SUFU: variants seen among roughly 807,000 people sequenced by gnomAD.
SUFU encodes the protein suppressor of fused homolog.
Under a neutral mutation model 58.9 loss-of-function variants are expected in SUFU, and 7 were observed. The ratio of observed to expected loss-of-function variants is 0.12; its 90% CI spans 0.07 to 0.22. The LOEUF is 0.22. Among genes scored for constraint, SUFU ranks in the 10% least tolerant of loss-of-function variants. The pLI, the probability that SUFU is intolerant of heterozygous loss-of-function variation, is 1.00. For missense variants in SUFU, 451 were observed against 641.3 expected (o/e 0.70, Z 3.20); for synonymous variants, 232 against 254.8 (o/e 0.91, Z 0.85).
intron 3 of SUFU, among the ~76,000 whole-genome samples, chr10:102,570,037 T>C (rs942177822): frequency 6.6e-6 from 1 of 152,194 alleles, no homozygotes; most frequent in Non-Finnish European, 1.5e-5. Flanking sequence ...AATAGAGAGC[T>C]AGAAAGCTGT....
At chr10:102,528,334 C>T (rs140463950) in intron 2 of SUFU, among the ~76,000 whole-genome samples, 1 of 152,176 alleles carries the variant, frequency 6.6e-6, no homozygotes, top group African/African-American at 2.4e-5. Flanking sequence ...CTTTGGGAGG[C>T]CGAGGTAGGA....
At chr10:102,623,664 G>A (rs1307609267) in intron 10 of SUFU, among the ~76,000 whole-genome samples, 1 of 152,178 alleles carries the variant, frequency 6.6e-6, no homozygotes, top group African/African-American at 2.4e-5. Flanking sequence ...CTTGAGCCAG[G>A]CGTGGTGGCT....
At chr10:102,598,446 G>A (rs1030135932) in intron 7 of SUFU, among the ~76,000 whole-genome samples, 2 of 152,144 alleles carry the variant, frequency 1.3e-5, no homozygotes, top group Admixed American at 6.6e-5. Context: ...GTGAGCCACC[G>A]CACCCGGCCA....
chr10:102,607,917 A>G (rs1277155027), intron 8 of SUFU, among the ~76,000 whole-genome samples: 1 of 145,704 alleles, frequency 6.9e-6, no homozygotes, highest in Non-Finnish European at 1.5e-5. Context: ...TCTCAAACAA[A>G]AAAAAAAAGA....
chr10:102,588,139 G>A (rs2063353966), intron 3 of SUFU, among the ~76,000 whole-genome samples: 1 of 152,116 alleles, frequency 6.6e-6, no homozygotes, highest in African/African-American at 2.4e-5. Flanking sequence ...GCTCACGCCT[G>A]TAATCCCAGC....
chr10:102,601,289 G>A (rs1213614830), intron 8 of SUFU, among the ~76,000 whole-genome samples: 1 of 152,186 alleles, frequency 6.6e-6, no homozygotes, highest in Non-Finnish European at 1.5e-5. Flanking sequence ...GGGGCACAAG[G>A]CTCTGTGCTC....
intron 3 of SUFU, among the ~76,000 whole-genome samples, chr10:102,550,916 G>T (rs1313207634): frequency 6.6e-6 from 1 of 151,834 alleles, no homozygotes; most frequent in Non-Finnish European, 1.5e-5. Context: ...TAATTTTTTT[G>T]TTTTTTTAGT....
chr10:102,572,674 G>A (rs906863787), intron 3 of SUFU: 15 of 591,170 alleles, frequency 2.5e-5, no homozygotes, highest in African/African-American at 2.4e-4. Flanking sequence ...AGGTGTGAGT[G>A]AGCCACCATG....
Position 102,632,011 on chromosome 10 carries a change from T to C in SUFU, c.*1856T>C. ...GCCTGTGAAGCTCTTGTTTCTGACA[T>C]TTCACAGGCAGAGAGGTGCCATCAG... is the stretch of plus-strand genomic sequence containing the variant. On this transcript the variant is annotated 3_prime_UTR_variant, in exon 12 of 12. Coordinates refer to ENST00000369902, the MANE Select transcript of SUFU (RefSeq NM_016169.4). The C allele has an allele frequency of 4.3e-6, 1 of 233,342 alleles. No individual in the cohort carries two copies. The highest frequency in any genetic ancestry group is 8.5e-6 in the Non-Finnish European group (1 of 118,136). 14.5% of individuals were successfully genotyped at this position (233,342 alleles called of 1,614,324 possible). A position where few individuals can be genotyped will look rare whatever the true frequency, so the allele number is the denominator to read the frequency against.
Position 102,619,800 on chromosome 10 carries a change from C to T in SUFU, c.1296+2372C>T, listed in dbSNP as rs1185678381. Among the ~76,000 whole-genome samples, 1 of 152,178 alleles carries T rather than the reference C, an allele frequency of 6.6e-6. No individual in the cohort carries two copies. Among genetic ancestry groups the T allele is most frequent in the Non-Finnish European group, 1.5e-5 (1 of 68,018 alleles). ...TTGTGGGAACCTGGGCTTGTAATTA[C>T]TTGTGGGCCTCTAGATCTCCCTCTG... On this transcript the variant is annotated intron_variant, in intron 10 of 11. Coordinates refer to ENST00000369902, the MANE Select transcript of SUFU (RefSeq NM_016169.4). The surrounding 1 kb of genome is among the most constrained non-coding windows in gnomAD (Gnocchi z 4.2).
At chr10:102,597,020 G>T in intron 6 of SUFU, 120 bp from the exon 7 acceptor site, 3 of 1,201,136 alleles carry the variant, frequency 2.5e-6, no homozygotes, top group Admixed American at 1.7e-5. Flanking sequence ...TCCAGCATTT[G>T]TCCCATGCTC....
intron 10 of SUFU, among the ~76,000 whole-genome samples, chr10:102,624,554 C>G (rs1218769234): frequency 6.6e-6 from 1 of 152,128 alleles, no homozygotes; most frequent in African/African-American, 2.4e-5. Context: ...AAGTTTCCAG[C>G]GGGAACCAGC....
In SUFU at chr10:102,629,411, A is replaced by G. The variant is rs1009897770; in HGVS notation, c.1366-655A>G. Among the ~76,000 whole-genome samples the G allele has an allele frequency of 6.6e-6, 1 of 152,094 alleles. No individual in the cohort carries two copies. The highest frequency in any genetic ancestry group is 1.5e-5 in the Non-Finnish European group (1 of 68,028). ...GCTCTCCTTGGCCACCACTGGGACC[A>G]CTCTGAGGCTGGTAACCCTGGGAAG... On this transcript the variant is annotated intron_variant, in intron 11 of 11. Coordinates refer to ENST00000369902, the MANE Select transcript of SUFU (RefSeq NM_016169.4). This position sits in a 1 kb window ranked among gnomAD's most constrained non-coding sequence, Gnocchi z 4.7.
intron 8 of SUFU, among the ~76,000 whole-genome samples, chr10:102,612,541 C>T (rs936053758): frequency 2.0e-5 from 3 of 152,136 alleles, no homozygotes; most frequent in Admixed American, 6.5e-5. Context: ...CAGCTTGAGA[C>T]GTCTCTAGCC....
At chr10:102,567,006 C>CTTTTTTTTTT (rs1175563323) in intron 3 of SUFU, among the ~76,000 whole-genome samples, 5 of 64,668 alleles carry the variant, frequency 7.7e-5, no homozygotes, top group African/African-American at 1.2e-4. Flanking sequence ...GAAACAGGCT[C>CTTTTTTTTTT]TTTTTTTTTT....
chr10:102,624,676 G>A (rs755816667), intron 10 of SUFU, among the ~76,000 whole-genome samples: 35 of 152,264 alleles, frequency 2.3e-4, no homozygotes, highest in Admixed American at 6.5e-4. Flanking sequence ...ATGGTGCCGC[G>A]CATGGTCGTT....
At chr10:102,564,492 C>T (rs1429034194) in intron 3 of SUFU, among the ~76,000 whole-genome samples, 1 of 152,100 alleles carries the variant, frequency 6.6e-6, no homozygotes, top group Non-Finnish European at 1.5e-5. Flanking sequence ...ACCACCACAC[C>T]CGGCTAATTT....
intron 4 of SUFU, 133 bp downstream of exon 4, chr10:102,592,857 A>T: frequency 9.6e-7 from 1 of 1,037,210 alleles, no homozygotes; most frequent in Non-Finnish European, 1.5e-6. Flanking sequence ...GTTTCCTCTG[A>T]TGGTTTGTCA....
chr10:102,621,673 G>T (rs927636825), intron 10 of SUFU, among the ~76,000 whole-genome samples: 7 of 152,206 alleles, frequency 4.6e-5, no homozygotes, highest in African/African-American at 1.7e-4. Flanking sequence ...CAGCTCCTTG[G>T]CAGGCTCTTC....
Sources: allele counts gnomAD v4.1 joint callset (sites outside exome capture counted in the v4.1 genomes callset), GRCh38; gene constraint gnomAD v4.1.1; non-coding constraint Gnocchi (gnomAD v3.1); transcripts MANE v1.5; gene names NCBI Gene and HGNC (gene_info 2026-07-23, HGNC 2026-07-21).